Variants in FER observed in about 807,000 individuals in gnomAD.
FER encodes the protein FER tyrosine kinase.
In FER, 63 loss-of-function variants were observed where a neutral mutation model predicts 111.0. That is an observed-to-expected ratio of 0.57 (90% CI 0.46 to 0.70). The LOEUF (loss-of-function observed/expected upper bound fraction) is 0.70, where lower values mean the gene tolerates loss of function less well. FER is among the 30% of genes least tolerant of loss of function. The pLI, the probability that FER is intolerant of heterozygous loss-of-function variation, is 0.00. For missense variants in FER, 914 were observed against 954.0 expected, an observed-to-expected ratio of 0.96 and a Z score of 0.55; for synonymous variants, 327 against 313.9, an observed-to-expected ratio of 1.04 and a Z score of -0.44.
At chr5:108,960,096 G>A (rs944412570) in intron 13 of FER, among the ~76,000 whole-genome samples, 5 of 152,180 alleles carry the variant, frequency 3.3e-5, no homozygotes, top group South Asian at 2.1e-4. Flanking sequence ...GAAGAACAGC[G>A]TAGAAATAGG....
chr5:108,811,709 G>T (rs1210186379), intron 3 of FER, among the ~76,000 whole-genome samples: 1 of 152,138 alleles, frequency 6.6e-6, no homozygotes, highest in Non-Finnish European at 1.5e-5. Flanking sequence ...AGGAAAGACA[G>T]TGCTGTAATT....
intron 13 of FER, among the ~76,000 whole-genome samples, chr5:108,991,012 G>C (rs1249459632): frequency 1.3e-5 from 2 of 151,330 alleles, no homozygotes; most frequent in Non-Finnish European, 3.0e-5. Flanking sequence ...TTCTGAGTTT[G>C]ACATAAATAT....
At chr5:109,174,618 G>A (rs549305366) in intron 17 of FER, among the ~76,000 whole-genome samples, 44 of 152,122 alleles carry the variant, frequency 2.9e-4, no homozygotes, top group East Asian at 5.8e-4. Context: ...TTTCAAAGCC[G>A]TTGGTGACAT....
intron 17 of FER, among the ~76,000 whole-genome samples, chr5:109,138,343 T>C (rs1011247289): frequency 6.6e-6 from 1 of 152,136 alleles, no homozygotes; most frequent in Non-Finnish European, 1.5e-5. Context: ...GGGAATATGT[T>C]AGTCAAAGGA....
chr5:109,043,384 A>G (rs1049766424), intron 14 of FER, among the ~76,000 whole-genome samples: 2 of 152,192 alleles, frequency 1.3e-5, no homozygotes, highest in African/African-American at 4.8e-5. Flanking sequence ...TTTATCACGA[A>G]TGTTTACTGT....
intron 13 of FER, among the ~76,000 whole-genome samples, chr5:108,968,124 C>G (rs144743803): frequency 0.047 from 7,090 of 152,312 alleles, 262 homozygotes; most frequent in South Asian, 0.11. Context: ...CACAGTGGCT[C>G]AGGCCTGTAA....
chr5:108,867,690 T>C (rs1188489000), intron 5 of FER, 77 bp from the exon 6 acceptor site: 1 of 1,335,572 alleles, frequency 7.5e-7, no homozygotes, highest in Admixed American at 2.5e-5. Flanking sequence ...ACAGTAGTAA[T>C]TCAGTTTGTA....
intron 1 of FER, among the ~76,000 whole-genome samples, chr5:108,749,265 C>A (rs1477807494): frequency 1.3e-5 from 2 of 152,150 alleles, no homozygotes; most frequent in Non-Finnish European, 2.9e-5. Context: ...TTGGGCCGGG[C>A]TACACACCCA....
chr5:108,993,030 G>T (rs1197338019), intron 13 of FER, among the ~76,000 whole-genome samples: 3 of 151,290 alleles, frequency 2.0e-5, no homozygotes, highest in Non-Finnish European at 4.4e-5. Context: ...TGGCGGCCGG[G>T]CAGAGACGCT....
chr5:109,124,001 A>G (rs1176186750), intron 17 of FER, among the ~76,000 whole-genome samples: 1 of 152,144 alleles, frequency 6.6e-6, no homozygotes, highest in Admixed American at 6.6e-5. Context: ...AGACCGAGGT[A>G]GATCACTGAG....
intron 18 of FER, among the ~76,000 whole-genome samples, chr5:109,183,256 T>C (rs1467951533): frequency 2.0e-5 from 3 of 149,102 alleles, no homozygotes; most frequent in Non-Finnish European, 3.0e-5. Context: ...GTGTTTTTTT[T>C]TTTTTTTTTT....
chr5:108,990,665 A>G (rs1763061149), intron 13 of FER, among the ~76,000 whole-genome samples: 1 of 151,716 alleles, frequency 6.6e-6, no homozygotes, highest in Non-Finnish European at 1.5e-5. Context: ...AAGAGATTAA[A>G]TGGTCTTAAG....
chr5:108,938,026 TCACACACACACACA>T (rs201092702), intron 10 of FER, among the ~76,000 whole-genome samples: 1,424 of 130,892 alleles, frequency 0.011, 19 homozygotes, highest in African/African-American at 0.04. Flanking sequence ...TATCTCTCTC[TCACACACACACACA>T]CACACACACA....
At chr5:108,953,623 A>C (rs1758043737) in intron 11 of FER, among the ~76,000 whole-genome samples, 1 of 152,094 alleles carries the variant, frequency 6.6e-6, no homozygotes, top group African/African-American at 2.4e-5. Context: ...GAAACAATAA[A>C]GGCTATGTTA....
chr5:108,952,953 G>C (rs951288850), intron 11 of FER, among the ~76,000 whole-genome samples: 1 of 152,028 alleles, frequency 6.6e-6, no homozygotes, highest in African/African-American at 2.4e-5. Context: ...CCTTTGTAAA[G>C]ATGTTACATT....
At chr5:108,911,179 G>T (rs1301762453) in intron 10 of FER, among the ~76,000 whole-genome samples, 1 of 152,110 alleles carries the variant, frequency 6.6e-6, no homozygotes, top group Non-Finnish European at 1.5e-5. Flanking sequence ...GACGTAAAAT[G>T]ATATCTCATT....
At chr5:108,777,412 G>T (rs1332461371) in intron 2 of FER, among the ~76,000 whole-genome samples, 17 of 152,104 alleles carry the variant, frequency 1.1e-4, no homozygotes. Flanking sequence ...TACAATTGAT[G>T]AACCTACACT....
chr5:108,791,653 G>A (rs1384171053), intron 2 of FER, among the ~76,000 whole-genome samples: 1 of 151,156 alleles, frequency 6.6e-6, no homozygotes, highest in East Asian at 1.9e-4. Context: ...TTTCTTGATG[G>A]TGTCCTTTGA....
At chr5:108,828,445 A>C (rs1404532759) in intron 3 of FER, among the ~76,000 whole-genome samples, 1 of 152,004 alleles carries the variant, frequency 6.6e-6, no homozygotes, top group Non-Finnish European at 1.5e-5. Flanking sequence ...CTCATTCTTC[A>C]TTTTTGTTGG....
Sources: gnomAD v4.1 joint callset for allele counts (sites outside exome capture counted in the v4.1 genomes callset) on GRCh38, gnomAD v4.1.1 for gene constraint, MANE v1.5 for transcripts, NCBI Gene and HGNC (gene_info 2026-07-23, HGNC 2026-07-21) for gene names.